The following SLC25A21 variants were observed in gnomAD, a reference collection of about 807,000 sequenced individuals.
The protein encoded by SLC25A21 is mitochondrial 2-oxodicarboxylate carrier.
SLC25A21 carries 47 observed loss-of-function variants against 43.8 expected under a neutral mutation model. That is an observed-to-expected ratio of 1.07 (90% CI 0.85 to 1.37). The LOEUF (loss-of-function observed/expected upper bound fraction) is 1.37, where lower values mean the gene tolerates loss of function less well. Among genes scored for constraint, SLC25A21 ranks in the 40% most tolerant of loss-of-function variants. SLC25A21 has a pLI of 0.00. For synonymous variants in SLC25A21, 131 were observed against 121.3 expected, an observed-to-expected ratio of 1.08 and a Z score of -0.52; for missense variants, 352 against 350.2, an observed-to-expected ratio of 1.00 and a Z score of -0.04.
At chr14:37,106,425 T>A (rs1962914229) in intron 1 of SLC25A21, among the ~76,000 whole-genome samples, 1 of 152,022 alleles carries the variant, frequency 6.6e-6, no homozygotes, top group African/African-American at 2.4e-5. Flanking sequence ...GCGGTTGAGA[T>A]AAGGACTGAG....
At chr14:36,987,536 T>C (rs188376346) in intron 1 of SLC25A21, among the ~76,000 whole-genome samples, 22 of 152,316 alleles carry the variant, frequency 1.4e-4, no homozygotes, top group African/African-American at 4.6e-4. Context: ...GCTGAGATCA[T>C]ACCGTACAGT....
At chr14:37,106,908 C>T (rs554269896) in intron 1 of SLC25A21, among the ~76,000 whole-genome samples, 1 of 152,166 alleles carries the variant, frequency 6.6e-6, no homozygotes, top group Non-Finnish European at 1.5e-5. Flanking sequence ...ATAGAAAGAA[C>T]CTACGTTGAA....
At chr14:37,018,487 A>G (rs1176780041) in intron 1 of SLC25A21, among the ~76,000 whole-genome samples, 4 of 152,022 alleles carry the variant, frequency 2.6e-5, no homozygotes, top group Admixed American at 1.3e-4. Flanking sequence ...TTATACCTCA[A>G]TAAAGCTAGT....
intron 2 of SLC25A21, among the ~76,000 whole-genome samples, chr14:36,829,407 G>C (rs1221805085): frequency 2.6e-5 from 4 of 152,108 alleles, no homozygotes; most frequent in East Asian, 1.9e-4. Flanking sequence ...CTGTCAACAG[G>C]AGTTCACTGT....
intron 1 of SLC25A21, among the ~76,000 whole-genome samples, chr14:36,880,090 C>T (rs893559651): frequency 6.6e-6 from 1 of 152,108 alleles, no homozygotes; most frequent in African/African-American, 2.4e-5. Context: ...AAAAATATTG[C>T]ATTTCCCAGC....
intron 1 of SLC25A21, among the ~76,000 whole-genome samples, chr14:37,088,509 G>C (rs895274175): frequency 6.6e-6 from 1 of 152,196 alleles, no homozygotes; most frequent in Non-Finnish European, 1.5e-5. Context: ...AGTGTGGAAT[G>C]GCCTCCTGCC....
chr14:36,943,144 G>A (rs1231937299), intron 1 of SLC25A21, among the ~76,000 whole-genome samples: 3 of 152,156 alleles, frequency 2.0e-5, no homozygotes, highest in East Asian at 1.9e-4. Flanking sequence ...ATGATTTGCT[G>A]AAGAAAGAAT....
In SLC25A21 at chr14:36,679,325, T is replaced by A. The variant is rs1229849654; in HGVS notation, c.*1333A>T. 2 of 970,636 alleles carry A rather than the reference T, an allele frequency of 2.1e-6. No individual in the cohort carries two copies. Among genetic ancestry groups the A allele is most frequent in the Non-Finnish European group, 2.4e-6 (2 of 816,554 alleles). 60.1% of individuals were successfully genotyped at this position (970,636 alleles called of 1,614,324 possible). A position where few individuals can be genotyped will look rare whatever the true frequency, so the allele number is the denominator to read the frequency against. ...GTATGTCAAAAGCCTTTTATTTTTA[T>A]ACTTCAAATGCTCTAAATTAATAAA... is the stretch of plus-strand genomic sequence containing the variant. On this transcript the variant is annotated 3_prime_UTR_variant, in exon 10 of 10. Transcript: ENST00000331299.
intron 3 of SLC25A21, among the ~76,000 whole-genome samples, chr14:36,765,680 T>C (rs954431296): frequency 1.3e-5 from 2 of 152,218 alleles, no homozygotes; most frequent in Non-Finnish European, 2.9e-5. Flanking sequence ...CATTCCTCTG[T>C]GTATCCTTTT....
In SLC25A21 at chr14:37,022,498, G is replaced by T. The variant is rs540391458; in HGVS notation, c.71-147494C>A. ...TGGGGTTAACAAACTACCTTTTATG[G>T]TTATTATCAATGTATGAGATCTCTC... On this transcript the variant is annotated intron_variant, in intron 1 of 9. Coordinates refer to ENST00000331299, the MANE Select transcript of SLC25A21 (RefSeq NM_030631.4). Among the ~76,000 whole-genome samples, 5 of 151,874 alleles carry T rather than the reference G, an allele frequency of 3.3e-5. No homozygotes were observed. In the South Asian group the frequency reaches 1.0e-3, roughly 32 times the overall value.
intron 3 of SLC25A21, among the ~76,000 whole-genome samples, chr14:36,795,295 A>G (rs760839018): frequency 2.8e-4 from 43 of 152,158 alleles, no homozygotes; most frequent in Non-Finnish European, 1.8e-4. Flanking sequence ...CCTTTGGTCA[A>G]TTTCAAGTTA....
At chr14:36,907,780 T>C (rs1164842955) in intron 1 of SLC25A21, among the ~76,000 whole-genome samples, 4 of 152,022 alleles carry the variant, frequency 2.6e-5, no homozygotes, top group African/African-American at 9.7e-5. Context: ...GTGTGAAGGG[T>C]AAGTTATTTC....
At chr14:36,738,617 C>T (rs1885135627) in intron 3 of SLC25A21, among the ~76,000 whole-genome samples, 1 of 152,176 alleles carries the variant, frequency 6.6e-6, no homozygotes, top group African/African-American at 2.4e-5. Context: ...AAAGTTTTGA[C>T]TCACATCAAG....
chr14:36,981,518 A>T (rs1394754749), intron 1 of SLC25A21, among the ~76,000 whole-genome samples: 1 of 152,218 alleles, frequency 6.6e-6, no homozygotes, highest in Admixed American at 6.5e-5. Context: ...ATAAAAAAGG[A>T]TAAGTTCATG....
chr14:37,093,714 G>A (rs1962631814), intron 1 of SLC25A21, among the ~76,000 whole-genome samples: 1 of 152,108 alleles, frequency 6.6e-6, no homozygotes, highest in South Asian at 2.1e-4. Flanking sequence ...GAAAAAAGTG[G>A]GGGGAGGATG....
intron 1 of SLC25A21, among the ~76,000 whole-genome samples, chr14:37,007,107 AC>A (rs1960621864): frequency 1.3e-5 from 2 of 152,384 alleles, no homozygotes; most frequent in Admixed American, 1.3e-4. Context: ...AGCAAAACTT[AC>A]TGAAAAGTGA....
chr14:36,689,432 T>A (rs1392907065), intron 7 of SLC25A21, among the ~76,000 whole-genome samples: 1 of 152,192 alleles, frequency 6.6e-6, no homozygotes, highest in Non-Finnish European at 1.5e-5. Context: ...GTCTGTTGAT[T>A]TTATTAGGCT....
intron 1 of SLC25A21, among the ~76,000 whole-genome samples, chr14:37,006,031 T>C (rs1057048577): frequency 5.3e-5 from 8 of 152,178 alleles, no homozygotes; most frequent in South Asian, 2.1e-4. Flanking sequence ...ATAAAGATGG[T>C]ATTACAAATT....
chr14:37,168,197 T>TTAAC (rs1206223548), intron 1 of SLC25A21, among the ~76,000 whole-genome samples: 1 of 152,154 alleles, frequency 6.6e-6, no homozygotes, highest in African/African-American at 2.4e-5. Flanking sequence ...ATTCTCATCT[T>TTAAC]TAACCCCTCT....
Sources: gnomAD v4.1 joint callset for allele counts (sites outside exome capture counted in the v4.1 genomes callset) on GRCh38, gnomAD v4.1.1 for gene constraint, MANE v1.5 for transcripts, NCBI Gene and HGNC (gene_info 2026-07-23, HGNC 2026-07-21) for gene names.